Variants in PDE1A observed in about 807,000 individuals in gnomAD.
PDE1A encodes dual specificity calcium/calmodulin-dependent 3',5'-cyclic nucleotide phosphodiesterase 1A.
A neutral mutation model predicts 61.7 loss-of-function variants in PDE1A; 35 were observed. The ratio of observed to expected loss-of-function variants is 0.57; its 90% CI spans 0.43 to 0.75. The LOEUF is 0.75. Among genes scored for constraint, PDE1A ranks in the 30% least tolerant of loss-of-function variants. The pLI, the probability that PDE1A is intolerant of heterozygous loss-of-function variation, is 0.00. For missense variants in PDE1A, 597 were observed against 630.6 expected (o/e 0.95, Z 0.57); for synonymous variants, 232 against 213.2 (o/e 1.09, Z -0.77).
Position 182,222,037 on chromosome 2 carries a change from T to TA in PDE1A, c.776+1826dup, listed in dbSNP as rs552616972. 6.9e-3 allele frequency among the ~76,000 whole-genome samples: 1,054 copies of TA among 152,000 alleles called. 8 individuals are homozygous for TA. The highest frequency in any genetic ancestry group is 0.011 in the Non-Finnish European group (731 of 67,926). On this transcript the variant is annotated intron_variant, in intron 7 of 13. Transcript: ENST00000351439. ...CTCCCACATCTGGAAAATCAGTTGT[T>TA]AAAAATATATATATATTAAAAAACC...
At chr2:182,666,816 G>A in the PDE1A span, among the ~76,000 whole-genome samples, 1 of 152,140 alleles carries the variant, frequency 6.6e-6, no homozygotes, top group Admixed American at 6.5e-5. Flanking sequence ...GACTGGTACA[G>A]TATAGCAGGT....
At chr2:182,362,583 T>C (rs983519736) in intron 1 of PDE1A, among the ~76,000 whole-genome samples, 2 of 152,062 alleles carry the variant, frequency 1.3e-5, no homozygotes, top group African/African-American at 4.8e-5. Context: ...TCTCTTTAAA[T>C]TGTCAATTTA....
At position 182,329,666 on chromosome 2, in the gene PDE1A, C is replaced by T. The variant is rs543696131; in HGVS notation, c.54-65252G>A. Among the ~76,000 whole-genome samples the T allele has an allele frequency of 4.6e-5, 7 of 152,320 alleles. No individual in the cohort carries two copies. The South Asian group carries it at 1.5e-3, about 32-fold the overall frequency. ...TCAGCCTCCCAAAGTGCTGGGATTA[C>T]AGGCGTGAGCCACCAGGCCTGGCCT... On this transcript the variant is annotated intron_variant, in intron 1 of 13. Coordinates refer to ENST00000351439, the Ensembl canonical transcript of PDE1A.
chr2:182,596,125 C>A, the PDE1A span, among the ~76,000 whole-genome samples: 2 of 152,188 alleles, frequency 1.3e-5, no homozygotes, highest in Non-Finnish European at 2.9e-5. Flanking sequence ...TGAGACAGAA[C>A]AGGCATAAGG....
chr2:182,354,333 G>A (rs941924457), intron 1 of PDE1A, among the ~76,000 whole-genome samples: 4 of 152,076 alleles, frequency 2.6e-5, no homozygotes, highest in African/African-American at 7.2e-5. Context: ...CTACCCATCC[G>A]AAATATTTGA....
intron 2 of PDE1A, among the ~76,000 whole-genome samples, chr2:182,461,961 G>T (rs1329488088): frequency 6.6e-6 from 1 of 152,136 alleles, no homozygotes; most frequent in Non-Finnish European, 1.5e-5. Context: ...AGCTTTGATT[G>T]GGTTGCATGC....
chr2:182,532,115 A>AT, the PDE1A span, among the ~76,000 whole-genome samples: 1 of 151,810 alleles, frequency 6.6e-6, no homozygotes, highest in Non-Finnish European at 1.5e-5. Flanking sequence ...TTTTGGTAAA[A>AT]AAAATTTTTT....
upstream of PDE1A, chr2:182,522,838 T>C (rs1178085398): frequency 5.5e-6 from 1 of 182,972 alleles, no homozygotes; most frequent in Non-Finnish European, 1.0e-5. Flanking sequence ...AAGGGCAGGA[T>C]GTAATAAGGA....
At chr2:182,372,379 A>G (rs972037278) in intron 1 of PDE1A, among the ~76,000 whole-genome samples, 6 of 152,216 alleles carry the variant, frequency 3.9e-5, no homozygotes, top group Non-Finnish European at 7.3e-5. Flanking sequence ...AAATAAAATG[A>G]TAATTGTGAT....
chr2:182,380,213 C>G (rs545187419), intron 1 of PDE1A, among the ~76,000 whole-genome samples: 1 of 150,842 alleles, frequency 6.6e-6, no homozygotes, highest in South Asian at 2.1e-4. Context: ...TGGGTTCACA[C>G]CATTCTCCTG....
chr2:182,597,760 C>T, the PDE1A span, among the ~76,000 whole-genome samples: 1 of 152,212 alleles, frequency 6.6e-6, no homozygotes, highest in Admixed American at 6.5e-5. Context: ...GAAAATGACG[C>T]AACCTTCAAT....
the PDE1A span, among the ~76,000 whole-genome samples, chr2:182,609,352 G>T: frequency 6.6e-6 from 1 of 152,220 alleles, no homozygotes; most frequent in South Asian, 2.1e-4. Flanking sequence ...AATAAAAGCA[G>T]GCTGCCCCAG....
At chr2:182,153,758 G>C (rs1305355693) in intron 13 of PDE1A, among the ~76,000 whole-genome samples, 1 of 152,130 alleles carries the variant, frequency 6.6e-6, no homozygotes, top group East Asian at 1.9e-4. Flanking sequence ...GGCTCGTAGA[G>C]GCAAGTTGAT....
chr2:182,174,695 G>A (rs1437041997), intron 13 of PDE1A, among the ~76,000 whole-genome samples: 3 of 151,892 alleles, frequency 2.0e-5, no homozygotes, highest in Non-Finnish European at 2.9e-5. Context: ...TGTCCTACAC[G>A]TTGCATAAAA....
intron 1 of PDE1A, among the ~76,000 whole-genome samples, chr2:182,406,656 A>T (rs1434381834): frequency 6.6e-6 from 1 of 152,176 alleles, no homozygotes; most frequent in Non-Finnish European, 1.5e-5. Context: ...ATGTATAAAA[A>T]ATTATTATCA....
At position 182,522,288 on chromosome 2, in the gene PDE1A, C is replaced by A. The variant is rs137961386; in HGVS notation, c.89G>T (p.Arg30Leu). The change falls in exon 2 of 15, where the codon CGC becomes CTC. Residue 30 changes from arginine (R) to leucine (L), a missense_variant. Arg to Leu is a moderately radical substitution (Grantham distance 102, BLOSUM62 -2). Transcript: ENST00000410103. The stretch of plus-strand genomic sequence containing the variant: ...AGAGCATACTCACATTCCTTTCAGG[C>A]GCTGCCACATTTTTTCAGTCTGTTC... 6 of 1,613,058 alleles carry A rather than the reference C, an allele frequency of 3.7e-6. No homozygotes were observed. The Admixed American group carries it at 5.0e-5, about 13-fold the overall frequency.
rs186176721 is a variant in PDE1A at position 182,462,891 on chromosome 2, C to T, written c.101+59385G>A. 3.2e-3 allele frequency among the ~76,000 whole-genome samples: 485 copies of T among 152,098 alleles called. 8 individuals carry two copies. Among genetic ancestry groups the T allele is most frequent in the African/African-American group, 0.011 (467 of 41,480 alleles). On this transcript the variant is annotated intron_variant, in intron 2 of 14. Coordinates refer to the PDE1A transcript ENST00000410103. ...GTTTTATGAGTTTTAAGGTCAAATG[C>T]TAATTATATTTTTCTTATGACTAAT...
intron 2 of PDE1A, among the ~76,000 whole-genome samples, chr2:182,498,406 G>T (rs764699010): frequency 2.6e-5 from 4 of 151,942 alleles, no homozygotes; most frequent in Non-Finnish European, 5.9e-5. Context: ...GAAAGGCTGA[G>T]AGATAGATGT....
rs368185415 is a variant in PDE1A at position 182,379,079 on chromosome 2, G to T, written c.53+47499C>A. ...TTAAGCAATTGAAAAATGAGAATAA[G>T]GATGAAATAGTTTTGTGTAAATCCC... is the stretch of plus-strand genomic sequence containing the variant. On this transcript the variant is annotated intron_variant, in intron 1 of 13. Coordinates refer to ENST00000351439, the Ensembl canonical transcript of PDE1A. Among the ~76,000 whole-genome samples, 6 of 152,192 alleles carry T rather than the reference G, an allele frequency of 3.9e-5. No homozygotes were observed. The East Asian group carries it at 1.2e-3, about 29-fold the overall frequency.
Sources: allele counts gnomAD v4.1 joint callset (sites outside exome capture counted in the v4.1 genomes callset), GRCh38; gene constraint gnomAD v4.1.1; transcripts MANE v1.5; gene names NCBI Gene and HGNC (gene_info 2026-07-23, HGNC 2026-07-21).